Variants in TOM1L2 observed in about 807,000 individuals in gnomAD.
TOM1L2 encodes the protein TOM1-like protein 2.
A neutral mutation model predicts 67.9 loss-of-function variants in TOM1L2; 31 were observed. The ratio of observed to expected loss-of-function variants is 0.46; its 90% CI spans 0.34 to 0.62. The LOEUF (loss-of-function observed/expected upper bound fraction) is 0.62. Among genes scored for constraint, TOM1L2 ranks in the 20% least tolerant of loss-of-function variants. The pLI is 0.01. For synonymous variants in TOM1L2, 256 were observed against 254.0 expected (o/e 1.01, Z -0.07); for missense variants, 606 against 663.5 (o/e 0.91, Z 0.95).
intron 4 of TOM1L2, 109 bp from the exon 5 acceptor site, chr17:17,884,877 A>C: frequency 7.0e-7 from 1 of 1,432,372 alleles, no homozygotes; most frequent in East Asian, 2.3e-5. Context: ...TCCTACTTGC[A>C]CATGCAAATT....
In TOM1L2 at chr17:17,846,477, C is replaced by G. The variant is rs1286601789; in HGVS notation, c.*1158G>C. The G allele has an allele frequency of 6.6e-6, 1 of 152,344 alleles. No homozygotes were observed. Among genetic ancestry groups the G allele is most frequent in the African/African-American group, 2.4e-5 (1 of 41,476 alleles). The allele number at this position is 152,344 out of a possible 1,614,324, so 9.4% of individuals were successfully genotyped here. On this transcript the variant is annotated 3_prime_UTR_variant, in exon 15 of 15. Transcript: ENST00000379504. ...GGGAATACATGTTACCAGCCCCTAG[C>G]TGCTCTGCCTGCCTTCAGGATCAGC...
At chr17:17,883,302 T>C (rs1185366316) in intron 5 of TOM1L2, among the ~76,000 whole-genome samples, 1 of 152,258 alleles carries the variant, frequency 6.6e-6, no homozygotes, top group African/African-American at 2.4e-5. Context: ...AATTATGCAA[T>C]TTACCAAATG....
intron 12 of TOM1L2, among the ~76,000 whole-genome samples, chr17:17,860,705 A>G (rs979427609): frequency 6.6e-6 from 1 of 152,224 alleles, no homozygotes; most frequent in Non-Finnish European, 1.5e-5. Flanking sequence ...CTGCCCCTGC[A>G]AACAGACGTG....
chr17:17,857,235 G>T (rs767981068), intron 12 of TOM1L2, among the ~76,000 whole-genome samples: 1 of 152,212 alleles, frequency 6.6e-6, no homozygotes. Flanking sequence ...TTACAGGCGT[G>T]AGCCACTGCA....
chr17:17,969,593 G>T (rs909537591), intron 1 of TOM1L2, among the ~76,000 whole-genome samples: 8 of 152,186 alleles, frequency 5.3e-5, no homozygotes, highest in African/African-American at 1.9e-4. Context: ...CTACCTGGCA[G>T]TGGGGAGCCA....
intron 14 of TOM1L2, 148 bp downstream of exon 14, chr17:17,848,675 G>T (rs940739317): frequency 2.5e-6 from 2 of 808,806 alleles, no homozygotes; most frequent in Non-Finnish European, 4.0e-6. Context: ...ACCTGGGTGG[G>T]ACAAAGCCAC....
At chr17:17,963,390 G>C (rs568698190) in intron 1 of TOM1L2, among the ~76,000 whole-genome samples, 1 of 152,322 alleles carries the variant, frequency 6.6e-6, no homozygotes, top group East Asian at 1.9e-4. Flanking sequence ...AATGGAAACA[G>C]ACCATGCTTG....
intron 1 of TOM1L2, among the ~76,000 whole-genome samples, chr17:17,911,240 T>A (rs1223979101): frequency 6.6e-6 from 1 of 152,178 alleles, no homozygotes; most frequent in South Asian, 2.1e-4. Flanking sequence ...CAGGATGCTA[T>A]GCTGCTCTTG....
At chr17:17,861,073 C>T (rs927186208) in intron 12 of TOM1L2, among the ~76,000 whole-genome samples, 45 of 152,204 alleles carry the variant, frequency 3.0e-4, no homozygotes, top group African/African-American at 1.0e-3. Flanking sequence ...CACTGACCAC[C>T]CTGTGGCACT....
intron 3 of TOM1L2, among the ~76,000 whole-genome samples, chr17:17,896,376 A>T (rs993948203): frequency 1.3e-4 from 20 of 152,180 alleles, no homozygotes; most frequent in African/African-American, 4.6e-4. Flanking sequence ...TCTGAGGAGT[A>T]GAGCAGCCTG....
At position 17,866,906 on chromosome 17, in the gene TOM1L2, A is replaced by G. The variant is rs143182667; in HGVS notation, c.930T>C (p.Ser310=). The G allele has an allele frequency of 6.2e-7, 1 of 1,614,122 alleles. No individual in the cohort carries two copies. Among genetic ancestry groups the G allele is most frequent in the African/African-American group, 1.3e-5 (1 of 75,052 alleles). ...LRYERFERYR[S]GRSVQNASNG... ...TACTGGCATTTTGAACGGATCGGCC[A>G]GACCTGTATCGTTCGAACCTAACAG... The change falls in exon 9 of 15, where the codon TCT becomes TCC. Residue 310 remains serine (S), a synonymous_variant. Coordinates refer to ENST00000379504, the MANE Select transcript of TOM1L2 (RefSeq NM_001082968.2).
chr17:17,869,038 T>C (rs1452436548), intron 8 of TOM1L2: 2 of 352,026 alleles, frequency 5.7e-6, no homozygotes, highest in African/African-American at 2.1e-5. Context: ...GGCCCCCAAG[T>C]GCTACCCCTC....
chr17:17,883,130 G>A (rs1035953375), intron 5 of TOM1L2, among the ~76,000 whole-genome samples: 33 of 152,182 alleles, frequency 2.2e-4, no homozygotes, highest in African/African-American at 7.0e-4. Flanking sequence ...AGGCAGCACC[G>A]AGAGTGCTCT....
intron 13 of TOM1L2, among the ~76,000 whole-genome samples, chr17:17,849,614 A>G (rs2035848580): frequency 6.6e-6 from 1 of 152,146 alleles, no homozygotes; most frequent in South Asian, 2.1e-4. Flanking sequence ...TTCCCTGGGG[A>G]CTGGGGAAGA....
chr17:17,890,782 G>A (rs1177316948), intron 4 of TOM1L2, among the ~76,000 whole-genome samples: 4 of 152,108 alleles, frequency 2.6e-5, no homozygotes, highest in African/African-American at 9.7e-5. Flanking sequence ...CTGGTTACAT[G>A]TTCAGTTTGT....
At chr17:17,954,670 G>A (rs995718577) in intron 1 of TOM1L2, among the ~76,000 whole-genome samples, 1 of 152,120 alleles carries the variant, frequency 6.6e-6, no homozygotes, top group Non-Finnish European at 1.5e-5. Flanking sequence ...TGGTAGAGTT[G>A]TCCAAAGTTT....
chr17:17,940,845 T>C (rs1362538178), intron 1 of TOM1L2, among the ~76,000 whole-genome samples: 1 of 152,210 alleles, frequency 6.6e-6, no homozygotes, highest in Non-Finnish European at 1.5e-5. Flanking sequence ...GTCAGTCTCA[T>C]AAATTGTTTT....
intron 12 of TOM1L2, among the ~76,000 whole-genome samples, chr17:17,852,926 C>T (rs965178265): frequency 1.4e-5 from 2 of 147,274 alleles, no homozygotes; most frequent in Non-Finnish European, 3.0e-5. Context: ...GGAGTCTTAT[C>T]ACCCAGACAT....
intron 5 of TOM1L2, among the ~76,000 whole-genome samples, chr17:17,884,112 C>T (rs752918202): frequency 1.3e-5 from 2 of 152,166 alleles, no homozygotes; most frequent in Non-Finnish European, 2.9e-5. Context: ...GGGACCTTCC[C>T]AGGGCTTTGA....
Sources: allele counts gnomAD v4.1 joint callset (sites outside exome capture counted in the v4.1 genomes callset), GRCh38; gene constraint gnomAD v4.1.1; transcripts MANE v1.5; gene names NCBI Gene and HGNC (gene_info 2026-07-23, HGNC 2026-07-21).